The following MYO5B variants were observed in gnomAD, a reference collection of about 807,000 sequenced individuals.
MYO5B encodes myosin VB.
Under a neutral mutation model 229.3 loss-of-function variants are expected in MYO5B, and 143 were observed. The ratio of observed to expected loss-of-function variants is 0.62; its 90% CI spans 0.54 to 0.72. The LOEUF is 0.72. Among genes scored for constraint, MYO5B ranks in the 30% least tolerant of loss-of-function variants. MYO5B has a pLI of 0.00. For synonymous variants in MYO5B, 918 were observed against 885.2 expected (o/e 1.04, Z -0.66); for missense variants, 2,321 against 2,331.0 (o/e 1.00, Z 0.09).
At chr18:49,882,461 C>G (rs2024598114) in intron 22 of MYO5B, among the ~76,000 whole-genome samples, 1 of 151,708 alleles carries the variant, frequency 6.6e-6, no homozygotes, top group South Asian at 2.1e-4. Context: ...CACCCCGTCT[C>G]TACTAAAAAT....
Position 49,962,259 on chromosome 18 carries a change from G to A in MYO5B, c.1545+7C>T, listed in dbSNP as rs773249197. Reference sequence around the variant, plus strand: ...AGAATTGAACTAATTTGCATCATCAGTTTTACCTTACATTCTTCATCCAAC... The same window carrying A: ...AGAATTGAACTAATTTGCATCATCAATTTTACCTTACATTCTTCATCCAAC... On this transcript the variant is annotated splice_region_variant and intron_variant, in intron 12 of 39. Transcript: ENST00000285039. 1.2e-6 allele frequency: 2 copies of A among 1,614,148 alleles called. No homozygotes were observed. Among genetic ancestry groups the A allele is most frequent in the South Asian group, 2.2e-5 (2 of 91,078 alleles).
intron 17 of MYO5B, among the ~76,000 whole-genome samples, chr18:49,917,873 C>A (rs959740969): frequency 6.6e-5 from 10 of 152,268 alleles, no homozygotes; most frequent in Admixed American, 5.2e-4. Context: ...GGAGCAGGCG[C>A]CCTGACAGGG....
intron 1 of MYO5B, among the ~76,000 whole-genome samples, chr18:50,126,794 G>A (rs902263643): frequency 9.2e-5 from 14 of 152,194 alleles, no homozygotes; most frequent in Admixed American, 9.2e-4. Flanking sequence ...GCATGGTGAA[G>A]CCAGACTTCC....
intron 4 of MYO5B, among the ~76,000 whole-genome samples, chr18:50,025,483 G>T (rs915588979): frequency 3.9e-5 from 6 of 152,070 alleles, no homozygotes; most frequent in African/African-American, 1.4e-4. Flanking sequence ...TCCTCTCTTG[G>T]TGCCCTGTGA....
chr18:49,928,322 T>C (rs2025152385), intron 17 of MYO5B, among the ~76,000 whole-genome samples: 1 of 152,186 alleles, frequency 6.6e-6, no homozygotes. Context: ...GAAAACAGTG[T>C]GGATATTCCT....
At chr18:50,006,626 T>C (rs1004059642) in intron 4 of MYO5B, among the ~76,000 whole-genome samples, 1 of 152,134 alleles carries the variant, frequency 6.6e-6, no homozygotes, top group Admixed American at 6.5e-5. Context: ...AGGCAGGACT[T>C]AGCTTCTGCT....
chr18:49,978,746 A>G (rs796281462), intron 9 of MYO5B, among the ~76,000 whole-genome samples: 2 of 122,282 alleles, frequency 1.6e-5, no homozygotes, highest in Non-Finnish European at 3.6e-5. Context: ...CACACACACA[A>G]AATGCTCAGC....
chr18:49,974,798 G>GACACACACACACAGACACACACACAC, intron 9 of MYO5B, among the ~76,000 whole-genome samples, 183 bp from the exon 10 acceptor site: 1 of 131,096 alleles, frequency 7.6e-6, no homozygotes, highest in Admixed American at 8.3e-5. Context: ...CACACACACA[G>GACACACACACACAGACACACACACAC]ACACACACAC....
Position 49,954,308 on chromosome 18 carries a change from G to C in MYO5B, c.1668+5C>G, listed in dbSNP as rs765009516. ...AATACCCGAGCCAACAGAGAGGAGA[G>C]CCACCTTGTCTGCAAAGTGGACGAT... On this transcript the variant is annotated splice_donor_5th_base_variant and intron_variant, in intron 13 of 39. Coordinates refer to ENST00000285039, the MANE Select transcript of MYO5B (RefSeq NM_001080467.3). 6.2e-7 allele frequency: 1 copy of C among 1,613,888 alleles called. No homozygotes were observed. The highest frequency in any genetic ancestry group is 8.5e-7 in the Non-Finnish European group (1 of 1,179,870).
chr18:50,192,534 G>A (rs969832170), intron 1 of MYO5B, among the ~76,000 whole-genome samples: 1 of 152,164 alleles, frequency 6.6e-6, no homozygotes, highest in African/African-American at 2.4e-5. Context: ...TGCTTATTAT[G>A]AGTGTCTTTA....
chr18:50,096,197 C>T (rs1341404250), intron 1 of MYO5B, among the ~76,000 whole-genome samples: 1 of 152,032 alleles, frequency 6.6e-6, no homozygotes, highest in Non-Finnish European at 1.5e-5. Flanking sequence ...CCATTTTTGA[C>T]CTAAAGAAAG....
intron 35 of MYO5B, 70 bp downstream of exon 35, chr18:49,841,295 A>ACAAAGAAGT: frequency 6.9e-7 from 1 of 1,440,934 alleles, no homozygotes; most frequent in South Asian, 1.1e-5. Flanking sequence ...CTCTGAGGGT[A>ACAAAGAAGT]TACAAAGCAC....
At chr18:49,879,279 C>G in intron 23 of MYO5B, 189 bp from the exon 24 acceptor site, 1 of 673,244 alleles carries the variant, frequency 1.5e-6, no homozygotes, top group Non-Finnish European at 2.6e-6. Context: ...GCTTAGTCTT[C>G]AGAGAGGGAG....
chr18:50,017,151 T>G (rs111361976), intron 4 of MYO5B, among the ~76,000 whole-genome samples: 6,390 of 152,166 alleles, frequency 0.042, 180 homozygotes, highest in South Asian at 0.075. Flanking sequence ...AGGGTCTCAC[T>G]CTGTCACCCA....
At chr18:49,848,359 G>A (rs1219600289) in intron 32 of MYO5B, among the ~76,000 whole-genome samples, 1 of 152,104 alleles carries the variant, frequency 6.6e-6, no homozygotes, top group Non-Finnish European at 1.5e-5. Context: ...GAGGTGGGAT[G>A]AAGGGCGGGT....
At chr18:49,867,287 G>C (rs2024407633) in intron 27 of MYO5B, among the ~76,000 whole-genome samples, 1 of 152,172 alleles carries the variant, frequency 6.6e-6, no homozygotes, top group African/African-American at 2.4e-5. Context: ...TGAGTGGGAA[G>C]AAAGTCTAGA....
intron 1 of MYO5B, among the ~76,000 whole-genome samples, chr18:50,104,614 C>T (rs2031721973): frequency 6.6e-6 from 1 of 152,150 alleles, no homozygotes; most frequent in Non-Finnish European, 1.5e-5. Context: ...TTTCCCACAA[C>T]TATGTAACCA....
chr18:50,110,816 T>C (rs77811265), intron 1 of MYO5B, among the ~76,000 whole-genome samples: 8,659 of 151,012 alleles, frequency 0.057, 793 homozygotes, highest in African/African-American at 0.2. Context: ...AGTATGAGTC[T>C]GTTAGAAAAA....
At chr18:50,152,385 A>T (rs1466821153) in intron 1 of MYO5B, among the ~76,000 whole-genome samples, 2 of 152,252 alleles carry the variant, frequency 1.3e-5, no homozygotes, top group African/African-American at 4.8e-5. Flanking sequence ...TTAAGAAACT[A>T]AAGTCGTCCT....
Sources: gnomAD v4.1 joint callset for allele counts (sites outside exome capture counted in the v4.1 genomes callset) on GRCh38, gnomAD v4.1.1 for gene constraint, MANE v1.5 for transcripts, NCBI Gene and HGNC (gene_info 2026-07-23, HGNC 2026-07-21) for gene names.